The following DYNC2H1 variants were observed in gnomAD, a reference collection of about 807,000 sequenced individuals.
The protein encoded by DYNC2H1 is dynein cytoplasmic 2 heavy chain 1.
DYNC2H1 carries 410 observed loss-of-function variants against 570.0 expected under a neutral mutation model. The ratio of observed to expected loss-of-function variants is 0.72; its 90% CI spans 0.66 to 0.78. The LOEUF (loss-of-function observed/expected upper bound fraction) is 0.78. DYNC2H1 is among the 30% of genes least tolerant of loss of function. The pLI, the probability that DYNC2H1 is intolerant of heterozygous loss-of-function variation, is 0.00. For missense variants in DYNC2H1, 4,865 were observed against 5,046.4 expected, an observed-to-expected ratio of 0.96 and a Z score of 1.09; for synonymous variants, 1,688 against 1,677.6, an observed-to-expected ratio of 1.01 and a Z score of -0.15.
At chr11:103,382,761 A>G (rs375527697) in intron 83 of DYNC2H1, among the ~76,000 whole-genome samples, 2 of 152,232 alleles carry the variant, frequency 1.3e-5, no homozygotes. Flanking sequence ...AACTTTATCT[A>G]TGCCTCTCCT....
chr11:103,203,924 G>A lies in DYNC2H1; in HGVS notation c.8311+148G>A, dbSNP rs1190358402. 3.5e-6 allele frequency: 2 copies of A among 576,308 alleles called. No homozygotes were observed. Among genetic ancestry groups the A allele is most frequent in the Non-Finnish European group, 6.0e-6 (2 of 335,768 alleles). 35.7% of individuals were successfully genotyped at this position (576,308 alleles called of 1,614,324 possible). On this transcript the variant is annotated intron_variant, in intron 51 of 88. Coordinates refer to ENST00000375735, the MANE Select transcript of DYNC2H1 (RefSeq NM_001377.3). The surrounding 1 kb of genome is among the most constrained non-coding windows in gnomAD (Gnocchi z 4.7). ...GAAAGTAACACCTAACTAGTGGATA[G>A]GCTAACCTATAATAAAAACACCTGT... is the stretch of plus-strand genomic sequence containing the variant.
Position 103,243,847 on chromosome 11 carries a change from G to C in DYNC2H1, c.9918+56G>C. ...TAGGAATGACCTCTTATAGTGAAAA[G>C]ATCTTGGAGTCTATAATCAGAAAAC... On this transcript the variant is annotated intron_variant, in intron 64 of 88. Transcript: ENST00000375735. This position sits in a 1 kb window ranked among gnomAD's most constrained non-coding sequence, Gnocchi z 4.8. 7.5e-7 allele frequency: 1 copy of C among 1,338,730 alleles called. No homozygotes were observed. The highest frequency in any genetic ancestry group is 1.0e-6 in the Non-Finnish European group (1 of 972,450). The allele number at this position is 1,338,730 out of a possible 1,614,324, so 82.9% of individuals were successfully genotyped here.
intron 85 of DYNC2H1, among the ~76,000 whole-genome samples, chr11:103,453,615 CATATAT>C (rs66628059): frequency 0.073 from 9,938 of 136,566 alleles, 634 homozygotes; most frequent in East Asian, 0.19. Flanking sequence ...TTAGTTTAGA[CATATAT>C]ATATATATAT....
At chr11:103,313,110 A>G (rs1867673821) in intron 79 of DYNC2H1, among the ~76,000 whole-genome samples, 1 of 152,160 alleles carries the variant, frequency 6.6e-6, no homozygotes, top group Non-Finnish European at 1.5e-5. Flanking sequence ...TTTGGTTATT[A>G]CTTTGCTTAA....
intron 31 of DYNC2H1, among the ~76,000 whole-genome samples, chr11:103,168,483 G>C (rs1861429323): frequency 6.6e-6 from 1 of 152,206 alleles, no homozygotes; most frequent in Non-Finnish European, 1.5e-5. Flanking sequence ...GGGAGAAGCA[G>C]AGTGGAGTCT....
chr11:103,114,573 G>T (rs184247845), intron 3 of DYNC2H1, among the ~76,000 whole-genome samples: 193 of 152,174 alleles, frequency 1.3e-3, no homozygotes, highest in African/African-American at 4.2e-3. Flanking sequence ...TCACTACTAG[G>T]CCTCCCAAAG....
At chr11:103,173,760 G>A (rs896592467) in intron 35 of DYNC2H1, among the ~76,000 whole-genome samples, 3 of 152,086 alleles carry the variant, frequency 2.0e-5, no homozygotes, top group African/African-American at 4.8e-5. Flanking sequence ...GAGATTGAGA[G>A]CAAGATGGAT....
rs895159246 is a variant in DYNC2H1 at position 103,286,210 on chromosome 11, A to G, written c.10891-45A>G. The stretch of plus-strand genomic sequence containing the variant: ...TTTTTAAAAATAAATGTATGTGCTT[A>G]TATTTGCTTATAGCTCACTGTATAT... On this transcript the variant is annotated intron_variant, in intron 73 of 88. Transcript: ENST00000375735. 6 of 1,593,918 alleles carry G rather than the reference A, an allele frequency of 3.8e-6. No homozygotes were observed. In the African/African-American group the frequency reaches 5.4e-5, roughly 14 times the overall value.
At chr11:103,356,853 C>T (rs2256846) in intron 82 of DYNC2H1, among the ~76,000 whole-genome samples, 84,018 of 151,914 alleles carry the variant, frequency 0.55, 24,986 homozygotes, top group Admixed American at 0.66. Context: ...TGAACTTTAC[C>T]AATGTAAGAA....
intron 83 of DYNC2H1, among the ~76,000 whole-genome samples, chr11:103,393,611 G>A (rs1942266178): frequency 6.6e-6 from 1 of 152,068 alleles, no homozygotes; most frequent in South Asian, 2.1e-4. Flanking sequence ...TTGTATTAGT[G>A]TTCTGTAGGT....
At chr11:103,182,892 T>G (rs915211566) in intron 40 of DYNC2H1, among the ~76,000 whole-genome samples, 4 of 151,868 alleles carry the variant, frequency 2.6e-5, no homozygotes, top group Non-Finnish European at 5.9e-5. Context: ...TTTCTGACTT[T>G]GTAAGAATGA....
rs770313316 is a variant in DYNC2H1 at position 103,197,939 on chromosome 11, T to A, written c.7715T>A (p.Phe2572Tyr). 6.4e-7 allele frequency: 1 copy of A among 1,568,832 alleles called. No individual in the cohort carries two copies. Among genetic ancestry groups the A allele is most frequent in the East Asian group, 2.4e-5 (1 of 42,528 alleles). The change falls in exon 48 of 89, where the codon TTC (phenylalanine) becomes TAC (tyrosine). Residue 2572 changes from phenylalanine to tyrosine, a missense_variant. Physicochemically the swap from Phe to Tyr is conservative, Grantham distance 22. This residue lies in a region of DYNC2H1 where 2,401 missense variants were observed against 2,454.6 expected (regional missense o/e 0.98). Coordinates refer to ENST00000375735, the MANE Select transcript of DYNC2H1 (RefSeq NM_001377.3). ...ATATCATTTATTTCCACAGATAGTTTCTACGTTACATGGGGAGCTCGGCAT... is the reference window on the plus strand; with the variant it reads ...ATATCATTTATTTCCACAGATAGTTACTACGTTACATGGGGAGCTCGGCAT... ...SDILDNMSDS[F>Y]YVTWGARHNS...
chr11:103,375,031 A>G (rs72493122), intron 83 of DYNC2H1, among the ~76,000 whole-genome samples: 1 of 152,300 alleles, frequency 6.6e-6, no homozygotes, highest in East Asian at 1.9e-4. Flanking sequence ...TTCTTGGGCC[A>G]GGTCTAAGGC....
intron 84 of DYNC2H1, among the ~76,000 whole-genome samples, chr11:103,419,799 A>C (rs1480484898): frequency 2.0e-5 from 3 of 152,152 alleles, no homozygotes; most frequent in Non-Finnish European, 4.4e-5. Context: ...CGGAATTGAC[A>C]GAAGTAGGCT....
chr11:103,460,142 C>T (rs565002728), intron 87 of DYNC2H1, among the ~76,000 whole-genome samples: 1 of 152,160 alleles, frequency 6.6e-6, no homozygotes, highest in South Asian at 2.1e-4. Context: ...GCACATACCA[C>T]CACACCCAGC....
intron 84 of DYNC2H1, among the ~76,000 whole-genome samples, chr11:103,424,524 A>G (rs896474659): frequency 6.6e-6 from 1 of 152,176 alleles, no homozygotes; most frequent in African/African-American, 2.4e-5. Context: ...GTTCAAAGCA[A>G]CTTAATTTTT....
At chr11:103,132,064 T>C (rs980224602) in intron 13 of DYNC2H1, among the ~76,000 whole-genome samples, 8 of 152,150 alleles carry the variant, frequency 5.3e-5, no homozygotes, top group African/African-American at 2.4e-5. Context: ...AGGAAGCATG[T>C]ATATATGTAT....
Position 103,325,045 on chromosome 11 carries a change from T to C in DYNC2H1, c.12039+1055T>C, listed in dbSNP as rs181681041. ...GCATCTCTTCATGTTTTTTGCCCAC[T>C]TTTTAATGGGCTTGTTTGTTTTTTG... On this transcript the variant is annotated intron_variant, in intron 82 of 88. Transcript: ENST00000375735. The surrounding 1 kb of genome is among the most constrained non-coding windows in gnomAD (Gnocchi z 4.8). 5.4e-3 allele frequency among the ~76,000 whole-genome samples: 825 copies of C among 152,348 alleles called. 6 individuals carry two copies. Among genetic ancestry groups the C allele is most frequent in the African/African-American group, 0.019 (787 of 41,590 alleles).
chr11:103,112,908 T>C (rs1025666783), intron 1 of DYNC2H1, among the ~76,000 whole-genome samples: 2 of 152,234 alleles, frequency 1.3e-5, no homozygotes, highest in African/African-American at 2.4e-5. Context: ...TGAATTCCAA[T>C]TGAGTTCATC....
Sources: gnomAD v4.1 joint callset for allele counts (sites outside exome capture counted in the v4.1 genomes callset) on GRCh38, gnomAD v4.1.1 for gene constraint, gnomAD v4.1.1 regional missense constraint, Gnocchi (gnomAD v3.1) non-coding constraint, MANE v1.5 for transcripts, NCBI Gene and HGNC (gene_info 2026-07-23, HGNC 2026-07-21) for gene names.